Variants in TTC27 observed in about 807,000 individuals in gnomAD.
The protein encoded by TTC27 is tetratricopeptide repeat protein 27.
TTC27 carries 79 observed loss-of-function variants against 115.9 expected under a neutral mutation model. The observed-to-expected ratio is 0.68, with a 90% confidence interval of 0.57 to 0.82. TTC27 has a LOEUF of 0.82. Among genes scored for constraint, TTC27 ranks in the 40% least tolerant of loss-of-function variants. The pLI is 0.00. For synonymous variants in TTC27, 401 were observed against 356.0 expected (o/e 1.13, Z -1.42); for missense variants, 1,054 against 993.1 (o/e 1.06, Z -0.82).
intron 10 of TTC27, among the ~76,000 whole-genome samples, chr2:32,703,680 A>G (rs1386728982): frequency 6.6e-6 from 1 of 152,248 alleles, no homozygotes; most frequent in African/African-American, 2.4e-5. Flanking sequence ...GCTAATGTTT[A>G]TTCCTATCCA....
At chr2:32,756,771 A>G (rs1669247226) in intron 12 of TTC27, among the ~76,000 whole-genome samples, 1 of 152,232 alleles carries the variant, frequency 6.6e-6, no homozygotes, top group Admixed American at 6.5e-5. Context: ...GGCAATGGCT[A>G]TCCTAGCGTC....
chr2:32,747,612 C>G (rs919182978), intron 12 of TTC27, among the ~76,000 whole-genome samples: 1 of 152,104 alleles, frequency 6.6e-6, no homozygotes, highest in Non-Finnish European at 1.5e-5. Context: ...AAGTTGGGAA[C>G]TGTTTATATT....
At chr2:32,745,500 G>A (rs1189780422) in intron 12 of TTC27, among the ~76,000 whole-genome samples, 3 of 152,102 alleles carry the variant, frequency 2.0e-5, no homozygotes, top group East Asian at 3.9e-4. Flanking sequence ...TCAGGGAAGA[G>A]GAGTTTAATT....
rs1667450631 is a variant in TTC27 at position 32,708,304 on chromosome 2, G to GTTTTTTTTTTGTTTT, written c.1233+5394_1233+5395insGTTTTTTTTTTTTTT. Among the ~76,000 whole-genome samples, 37 of 61,356 alleles carry GTTTTTTTTTTGTTTT rather than the reference G, an allele frequency of 6.0e-4. 1 individual carries two copies. Among genetic ancestry groups the GTTTTTTTTTTGTTTT allele is most frequent in the Non-Finnish European group, 9.0e-4 (29 of 32,170 alleles). 40.3% of individuals were successfully genotyped at this position (61,356 alleles called of 152,430 possible). A position where few individuals can be genotyped will look rare whatever the true frequency, so the allele number is the denominator to read the frequency against. On this transcript the variant is annotated intron_variant, in intron 10 of 19. Transcript: ENST00000317907. ...AATAGCGTTTTCTTTTCTCTACCTTGTTTTTTTTTTTTTTTTTTTTTTAAT... is the reference window on the plus strand; with the variant it reads ...AATAGCGTTTTCTTTTCTCTACCTTGTTTTTTTTTTGTTTTTTTTTTTTTTTTTTTTTTTTTTAAT...
intron 8 of TTC27, among the ~76,000 whole-genome samples, chr2:32,674,151 G>T (rs1392324205): frequency 1.3e-5 from 2 of 150,078 alleles, no homozygotes; most frequent in Non-Finnish European, 3.0e-5. Flanking sequence ...AAAAAATCTT[G>T]TTCTTTTTTT....
chr2:32,736,563 C>T (rs1191950964), intron 11 of TTC27, 131 bp from the exon 12 acceptor site: 3 of 970,926 alleles, frequency 3.1e-6, no homozygotes, highest in Non-Finnish European at 4.5e-6. Flanking sequence ...CTAAATAGTA[C>T]AGATTGTAGA....
chr2:32,759,616 A>G (rs988224934), intron 13 of TTC27, among the ~76,000 whole-genome samples: 1 of 152,140 alleles, frequency 6.6e-6, no homozygotes, highest in African/African-American at 2.4e-5. Context: ...AATTAAATGA[A>G]AGTACAGTTC....
chr2:32,777,921 T>G lies in TTC27; in HGVS notation c.1720T>G (p.Leu574Val). The G allele has an allele frequency of 6.2e-7, 1 of 1,614,132 alleles. No individual in the cohort carries two copies. The highest frequency in any genetic ancestry group is 1.1e-5 in the South Asian group (1 of 91,076). Residue 574 changes from leucine to valine, a missense_variant, in exon 14 of 20, where the codon TTG (leucine) becomes GTG (valine). By Grantham distance (32) the Leu-to-Val change is conservative. Transcript: ENST00000317907. Reference sequence around the variant, plus strand: ...TTCTCTCGGTTGTGCCTATTTGGCCTTGGAAGACTATCAAGGTTCAGCAAA... The same window carrying G: ...TTCTCTCGGTTGTGCCTATTTGGCCGTGGAAGACTATCAAGGTTCAGCAAA... ...WFSLGCAYLA[L>V]EDYQGSAKAF... is the part of the protein sequence containing the mutation.
chr2:32,633,996 A>G lies in TTC27; in HGVS notation c.387A>G (p.Gln129=). The part of the protein sequence containing the change: ...QDFLSSVLFQ[Q]FSEVKGLDAF... ...TTTTGTCATCTGTTTTGTTCCAGCA[A>G]TTCAGTGAGGTATGCTTCTTGAAAA... The change falls in exon 3 of 20, where the codon CAA becomes CAG. Residue 129 remains glutamine (Q), a synonymous_variant. Coordinates refer to ENST00000317907, the MANE Select transcript of TTC27 (RefSeq NM_017735.5). 1 of 1,613,044 alleles carries G rather than the reference A, an allele frequency of 6.2e-7. No individual in the cohort carries two copies. The highest frequency in any genetic ancestry group is 1.1e-5 in the South Asian group (1 of 90,778).
chr2:32,640,975 G>A (rs952864895), intron 4 of TTC27, among the ~76,000 whole-genome samples: 1 of 151,968 alleles, frequency 6.6e-6, no homozygotes, highest in African/African-American at 2.4e-5. Flanking sequence ...GAACAAGACT[G>A]TGTCTCAAAA....
intron 12 of TTC27, among the ~76,000 whole-genome samples, chr2:32,754,746 C>A (rs1221481037): frequency 6.7e-6 from 1 of 149,390 alleles, no homozygotes; most frequent in Non-Finnish European, 1.5e-5. Context: ...TCTCACCTCC[C>A]GGACGGGGTG....
chr2:32,698,875 T>C (rs963979248), intron 9 of TTC27, among the ~76,000 whole-genome samples: 1 of 152,214 alleles, frequency 6.6e-6, no homozygotes, highest in Non-Finnish European at 1.5e-5. Flanking sequence ...ATTGCCTAGG[T>C]CACAGTAATA....
At chr2:32,741,878 C>T (rs774260670) in intron 12 of TTC27, among the ~76,000 whole-genome samples, 9 of 152,140 alleles carry the variant, frequency 5.9e-5, no homozygotes, top group Non-Finnish European at 1.2e-4. Context: ...ACTCTTCTCT[C>T]TCCAAAAACA....
At chr2:32,700,226 G>T (rs1258182426) in intron 9 of TTC27, among the ~76,000 whole-genome samples, 1 of 152,120 alleles carries the variant, frequency 6.6e-6, no homozygotes, top group Non-Finnish European at 1.5e-5. Context: ...CTTACTTAAT[G>T]CTCCCAACTC....
At chr2:32,637,424 C>T (rs1233210360) in intron 3 of TTC27, among the ~76,000 whole-genome samples, 3 of 152,116 alleles carry the variant, frequency 2.0e-5, no homozygotes, top group Middle Eastern at 3.4e-3. Flanking sequence ...CTCCGCCTCC[C>T]GGGTTCAAGT....
chr2:32,777,211 A>T lies in TTC27; in HGVS notation c.1681-671A>T, dbSNP rs557780492. Among the ~76,000 whole-genome samples, 4 of 152,368 alleles carry T rather than the reference A, an allele frequency of 2.6e-5. No homozygotes were observed. In the South Asian group the frequency reaches 8.3e-4, roughly 32 times the overall value. On this transcript the variant is annotated intron_variant, in intron 13 of 19. Transcript: ENST00000317907. Reference sequence around the variant, plus strand: ...GAAGTTCTTGTGGTCTAGTTTGAAGATGAAAACAGAAATTTCTTTTTTTGA... The same window carrying T: ...GAAGTTCTTGTGGTCTAGTTTGAAGTTGAAAACAGAAATTTCTTTTTTTGA...
chr2:32,702,484 C>T (rs1475601384), intron 9 of TTC27, among the ~76,000 whole-genome samples: 1 of 152,094 alleles, frequency 6.6e-6, no homozygotes, highest in Non-Finnish European at 1.5e-5. Context: ...GTGGTCACAG[C>T]TTTCTCTGGG....
At chr2:32,740,529 C>A (rs985450082) in intron 12 of TTC27, among the ~76,000 whole-genome samples, 6 of 151,790 alleles carry the variant, frequency 4.0e-5, no homozygotes, top group Non-Finnish European at 7.4e-5. Context: ...CAAACTATAG[C>A]CAGAATAGTC....
intron 10 of TTC27, among the ~76,000 whole-genome samples, chr2:32,719,388 C>T (rs1271873438): frequency 6.6e-6 from 1 of 152,158 alleles, no homozygotes; most frequent in African/African-American, 2.4e-5. Flanking sequence ...ACCCAGATAA[C>T]AGGTATTGAG....
Sources: gnomAD v4.1 joint callset for allele counts (sites outside exome capture counted in the v4.1 genomes callset) on GRCh38, gnomAD v4.1.1 for gene constraint, MANE v1.5 for transcripts, NCBI Gene and HGNC (gene_info 2026-07-23, HGNC 2026-07-21) for gene names.